Variants in DLGAP2 observed in about 807,000 individuals in gnomAD.
DLGAP2 encodes DLG associated protein 2.
DLGAP2 carries 26 observed loss-of-function variants against 100.3 expected under a neutral mutation model. The ratio of observed to expected loss-of-function variants is 0.26; its 90% CI spans 0.19 to 0.36. DLGAP2 has a LOEUF of 0.36. Among genes scored for constraint, DLGAP2 ranks in the 10% least tolerant of loss-of-function variants. The pLI, the probability that DLGAP2 is intolerant of heterozygous loss-of-function variation, is 1.00. For synonymous variants in DLGAP2, 886 were observed against 630.1 expected (o/e 1.41, Z -6.08); for missense variants, 1,858 against 1,453.2 (o/e 1.28, Z -4.53).
chr8:1,557,793 C>A (rs569312812), intron 5 of DLGAP2, among the ~76,000 whole-genome samples: 1 of 152,318 alleles, frequency 6.6e-6, no homozygotes, highest in African/African-American at 2.4e-5. Flanking sequence ...ACCTCATCTC[C>A]CCTTCTTAGG....
At chr8:1,667,609 C>G (rs1199593436) in intron 8 of DLGAP2, among the ~76,000 whole-genome samples, 3 of 152,212 alleles carry the variant, frequency 2.0e-5, no homozygotes. Context: ...AACACACAAG[C>G]CCAAGAGCAG....
intron 2 of DLGAP2, among the ~76,000 whole-genome samples, chr8:1,206,511 A>T (rs1797996249): frequency 6.6e-6 from 1 of 151,542 alleles, no homozygotes; most frequent in East Asian, 1.9e-4. Context: ...GTGAGCGGTT[A>T]ATCTCCAGCC....
rs117046469 is a variant in DLGAP2 at position 1,379,201 on chromosome 8, C to T, written c.106+120318C>T. Among the ~76,000 whole-genome samples, 465 of 152,368 alleles carry T rather than the reference C, an allele frequency of 3.1e-3. 1 individual carries two copies. The highest frequency in any genetic ancestry group is 5.5e-3 in the Non-Finnish European group (373 of 68,036). ...ACGGGGCCACCCGCTGCCATCAGCC[C>T]GAGTCCTCCTGCCTTCGCAAATTTT... is the stretch of plus-strand genomic sequence containing the variant. On this transcript the variant is annotated intron_variant, in intron 3 of 14. Transcript: ENST00000637795.
At chr8:759,410 T>G (rs1173563878) in intron 1 of DLGAP2, among the ~76,000 whole-genome samples, 5 of 152,106 alleles carry the variant, frequency 3.3e-5, no homozygotes, top group Non-Finnish European at 5.9e-5. Context: ...CCCCCTGGGC[T>G]GCACGTTTCC....
chr8:1,568,230 C>T (rs1161080243), intron 6 of DLGAP2, among the ~76,000 whole-genome samples: 1 of 135,154 alleles, frequency 7.4e-6, no homozygotes, highest in Non-Finnish European at 1.6e-5. Context: ...ACTCAGTAGA[C>T]ACAAATCCAC....
At chr8:1,691,818 G>A (rs188663608) in intron 13 of DLGAP2, among the ~76,000 whole-genome samples, 192 bp downstream of exon 13, 1 of 151,650 alleles carries the variant, frequency 6.6e-6, no homozygotes, top group Admixed American at 6.6e-5. Flanking sequence ...GCGGTACCGA[G>A]GCAGGGAGGC....
At position 1,575,491 on chromosome 8, in the gene DLGAP2, T is replaced by TTATTATTA. The variant is rs1563231289; in HGVS notation, c.1442+9597_1442+9598insTATTATTA. On this transcript the variant is annotated intron_variant, in intron 6 of 14. Coordinates refer to ENST00000637795, the MANE Select transcript of DLGAP2 (RefSeq NM_001346810.2). ...TATTATTATTATTATTATTATTATT[T>TTATTATTA]AAGTTCTAGGGTACATGTGCACAAT... is the stretch of plus-strand genomic sequence containing the variant. Among the ~76,000 whole-genome samples the TTATTATTA allele has an allele frequency of 3.1e-3, 259 of 84,514 alleles. 2 individuals carry two copies. Among genetic ancestry groups the TTATTATTA allele is most frequent in the African/African-American group, 8.8e-3 (241 of 27,496 alleles). 55.4% of individuals were successfully genotyped at this position (84,514 alleles called of 152,430 possible).
At chr8:1,422,619 C>T (rs894204636) in intron 3 of DLGAP2, among the ~76,000 whole-genome samples, 15 of 150,974 alleles carry the variant, frequency 9.9e-5, no homozygotes, top group African/African-American at 2.7e-4. Context: ...CTTGAGAAGC[C>T]GACTCACGGT....
intron 4 of DLGAP2, among the ~76,000 whole-genome samples, chr8:1,507,463 G>A (rs974640589): frequency 2.6e-5 from 4 of 152,274 alleles, no homozygotes; most frequent in East Asian, 1.9e-4. Flanking sequence ...CGCGGAGCCC[G>A]CGCCCACCCA....
intron 2 of DLGAP2, among the ~76,000 whole-genome samples, chr8:995,241 G>A (rs2129016861): frequency 6.6e-6 from 1 of 152,302 alleles, no homozygotes; most frequent in East Asian, 1.9e-4. Context: ...GGGAGGAAGT[G>A]GGTGAGGTTG....
rs970802028 is a variant in DLGAP2 at position 1,495,332 on chromosome 8, T to C, written c.107-6034T>C. 3.3e-5 allele frequency among the ~76,000 whole-genome samples: 5 copies of C among 152,290 alleles called. No homozygotes were observed. The South Asian group carries it at 1.0e-3, about 32-fold the overall frequency. ...GCTGTGGGGGAAGCATTGTCTCCAC[T>C]TCCAGGACAAGGAGAGGCAGCCGAG... On this transcript the variant is annotated intron_variant, in intron 3 of 14. Transcript: ENST00000637795.
chr8:1,470,516 A>G (rs17063931), intron 3 of DLGAP2, among the ~76,000 whole-genome samples: 2,125 of 152,238 alleles, frequency 0.014, 51 homozygotes, highest in African/African-American at 0.049. Flanking sequence ...TTTAAATACA[A>G]CAAAATCCAT....
At chr8:1,418,346 G>C (rs994168450) in intron 3 of DLGAP2, among the ~76,000 whole-genome samples, 2 of 152,146 alleles carry the variant, frequency 1.3e-5, no homozygotes, top group African/African-American at 4.8e-5. Context: ...TTCAACTTTA[G>C]ATATTTATAT....
At chr8:839,640 GA>G (rs1038675986) in intron 1 of DLGAP2, among the ~76,000 whole-genome samples, 2 of 152,160 alleles carry the variant, frequency 1.3e-5, no homozygotes, top group African/African-American at 4.8e-5. Flanking sequence ...CCACCTCGGT[GA>G]AAAACAGGAT....
At position 1,388,231 on chromosome 8, in the gene DLGAP2, G is replaced by T. The variant is rs1454112499; in HGVS notation, c.107-113135G>T. Among the ~76,000 whole-genome samples, 3 of 127,146 alleles carry T rather than the reference G, an allele frequency of 2.4e-5. 1 individual carries two copies. Among genetic ancestry groups the T allele is most frequent in the Non-Finnish European group, 5.0e-5 (3 of 60,254 alleles). 83.4% of individuals were successfully genotyped at this position (127,146 alleles called of 152,430 possible). On this transcript the variant is annotated intron_variant, in intron 3 of 14. Transcript: ENST00000637795. ...TGGATGAGGAGGCGCTGGTTCAGGT[G>T]TCAGGGCTGTAAGAGGCAGAGGCCG...
chr8:882,758 C>T (rs890889415), intron 1 of DLGAP2, among the ~76,000 whole-genome samples: 9 of 151,088 alleles, frequency 6.0e-5, no homozygotes. Flanking sequence ...AGCGGTACCT[C>T]TCCCTGCGGA....
chr8:802,796 G>A (rs986722228), intron 1 of DLGAP2, among the ~76,000 whole-genome samples: 1 of 152,134 alleles, frequency 6.6e-6, no homozygotes, highest in Admixed American at 6.5e-5. Context: ...CCAAGTACCC[G>A]TTTTCACCCC....
At chr8:1,418,477 T>C (rs943787389) in intron 3 of DLGAP2, among the ~76,000 whole-genome samples, 5 of 152,190 alleles carry the variant, frequency 3.3e-5, no homozygotes, top group African/African-American at 1.2e-4. Context: ...CGTTAACTTC[T>C]TTCTCTCTTT....
At chr8:1,160,467 T>A (rs1212215967) in intron 2 of DLGAP2, among the ~76,000 whole-genome samples, 1 of 152,226 alleles carries the variant, frequency 6.6e-6, no homozygotes, top group Non-Finnish European at 1.5e-5. Flanking sequence ...GTGCTTTTTA[T>A]TCAGCTAGGG....
Sources: allele counts gnomAD v4.1 joint callset (sites outside exome capture counted in the v4.1 genomes callset), GRCh38; gene constraint gnomAD v4.1.1; transcripts MANE v1.5; gene names NCBI Gene and HGNC (gene_info 2026-07-23, HGNC 2026-07-21).